The following MSRA variants were observed in gnomAD, a reference collection of about 807,000 sequenced individuals.
MSRA encodes mitochondrial peptide methionine sulfoxide reductase.
Under a neutral mutation model 31.3 loss-of-function variants are expected in MSRA, and 54 were observed. That is an observed-to-expected ratio of 1.73 (90% confidence interval 1.39 to 2.17). The LOEUF is 2.17. Among genes scored for constraint, MSRA ranks in the 30% most tolerant of loss-of-function variants. The probability of loss-of-function intolerance (pLI) is 0.00; values close to 1 mark genes in which losing one functional copy is unlikely to be tolerated. For missense variants in MSRA, 507 were observed against 300.9 expected (o/e 1.69, Z -5.07); for synonymous variants, 169 against 116.5 (o/e 1.45, Z -2.90).
intron 4 of MSRA, among the ~76,000 whole-genome samples, chr8:10,319,146 T>C (rs1046893151): frequency 5.3e-5 from 8 of 152,192 alleles, no homozygotes. Context: ...TGGTCTCTGT[T>C]TCCCCTGATT....
intron 1 of MSRA, among the ~76,000 whole-genome samples, chr8:10,203,408 A>G (rs1808671006): frequency 2.0e-5 from 3 of 152,360 alleles, no homozygotes; most frequent in Non-Finnish European, 4.4e-5. Context: ...AAAGATATGT[A>G]ACAGTCATGT....
At chr8:10,383,942 C>G (rs1295016638) in intron 5 of MSRA, among the ~76,000 whole-genome samples, 1 of 152,198 alleles carries the variant, frequency 6.6e-6, no homozygotes, top group Non-Finnish European at 1.5e-5. Flanking sequence ...CTCATCCCCA[C>G]TGCTTTCCCA....
At chr8:10,241,612 G>A (rs1245957132) in intron 2 of MSRA, among the ~76,000 whole-genome samples, 1 of 152,142 alleles carries the variant, frequency 6.6e-6, no homozygotes, top group Non-Finnish European at 1.5e-5. Flanking sequence ...TGAAAATGAA[G>A]TGATAGAATT....
chr8:10,245,714 C>T (rs938754399), intron 3 of MSRA, among the ~76,000 whole-genome samples: 2 of 152,204 alleles, frequency 1.3e-5, no homozygotes, highest in African/African-American at 2.4e-5. Context: ...GCACACTGGC[C>T]TGAGCTAATT....
chr8:10,328,223 C>A (rs907947398), intron 5 of MSRA, among the ~76,000 whole-genome samples: 3 of 150,190 alleles, frequency 2.0e-5, no homozygotes, highest in African/African-American at 7.4e-5. Flanking sequence ...AAACAAGTCC[C>A]ATGGCTTCCT....
chr8:10,177,770 TA>T (rs1415212185), intron 1 of MSRA, among the ~76,000 whole-genome samples: 1 of 152,218 alleles, frequency 6.6e-6, no homozygotes, highest in East Asian at 1.9e-4. Context: ...GAAATTTCTT[TA>T]AAAACCAGTC....
At chr8:10,148,702 C>T (rs758819429) in intron 1 of MSRA, among the ~76,000 whole-genome samples, 11 of 147,330 alleles carry the variant, frequency 7.5e-5, no homozygotes, top group African/African-American at 2.2e-4. Flanking sequence ...TTTGGGAGGC[C>T]GAGGCAGGAG....
chr8:10,265,856 A>T (rs1798721048), intron 3 of MSRA, among the ~76,000 whole-genome samples: 1 of 152,174 alleles, frequency 6.6e-6, no homozygotes, highest in African/African-American at 2.4e-5. Flanking sequence ...TTTTTCTGGA[A>T]TCACACAGAT....
chr8:10,288,377 A>G (rs1329699245), intron 3 of MSRA, among the ~76,000 whole-genome samples: 1 of 152,072 alleles, frequency 6.6e-6, no homozygotes, highest in African/African-American at 2.4e-5. Context: ...AAGTGACACC[A>G]CCCTTATTGA....
Position 10,165,706 on chromosome 8 carries a change from C to T in MSRA, c.143-42127C>T, listed in dbSNP as rs1222615532. ...AGTCTTGTAAGTGGGAGAGTATACA[C>T]GTGGACATTGTAGCTGGAATCTGAG... On this transcript the variant is annotated intron_variant, in intron 1 of 5. Transcript: ENST00000317173. Among the ~76,000 whole-genome samples the T allele has an allele frequency of 2.6e-5, 4 of 152,282 alleles. No individual in the cohort carries two copies. In the South Asian group the frequency reaches 6.2e-4, roughly 24 times the overall value.
Position 10,329,042 on chromosome 8 carries a change from G to A in MSRA, c.543+9053G>A, listed in dbSNP as rs1802539985. ...TGCAAACTCTCTTGACACCGAAGTT[G>A]CTATTATGATCGTACAACATTATTT... On this transcript the variant is annotated intron_variant, in intron 5 of 5. Coordinates refer to ENST00000317173, the MANE Select transcript of MSRA (RefSeq NM_012331.5). Among the ~76,000 whole-genome samples the A allele has an allele frequency of 1.3e-5, 2 of 152,174 alleles. 1 individual carries two copies. The highest frequency in any genetic ancestry group is 1.3e-4 in the Admixed American group (2 of 15,272).
chr8:10,236,639 A>C (rs1464926746), intron 2 of MSRA, among the ~76,000 whole-genome samples: 1 of 152,074 alleles, frequency 6.6e-6, no homozygotes, highest in Non-Finnish European at 1.5e-5. Flanking sequence ...CTGCCTCCTG[A>C]GTTCAAGCGA....
intron 3 of MSRA, among the ~76,000 whole-genome samples, chr8:10,298,325 A>T (rs1469881700): frequency 6.6e-6 from 1 of 152,260 alleles, no homozygotes; most frequent in Non-Finnish European, 1.5e-5. Context: ...ATGCAACAAC[A>T]TGGGTGAACC....
At chr8:10,176,766 G>T (rs1458441852) in intron 1 of MSRA, among the ~76,000 whole-genome samples, 1 of 152,176 alleles carries the variant, frequency 6.6e-6, no homozygotes, top group Non-Finnish European at 1.5e-5. Context: ...TGGAATGGGG[G>T]CTCAGAGCAG....
At chr8:10,358,456 C>T (rs1014982618) in intron 5 of MSRA, among the ~76,000 whole-genome samples, 2 of 152,048 alleles carry the variant, frequency 1.3e-5, no homozygotes, top group Non-Finnish European at 1.5e-5. Context: ...GGGTCCCCAA[C>T]CCCCGGTTCT....
Position 10,250,435 on chromosome 8 carries a change from A to G in MSRA, c.331+5212A>G, listed in dbSNP as rs923353546. The G allele has an allele frequency of 1.9e-5, 13 of 702,494 alleles. No individual in the cohort carries two copies. The Admixed American group carries it at 2.6e-4, about 14-fold the overall frequency. 43.5% of individuals were successfully genotyped at this position (702,494 alleles called of 1,614,324 possible). A position where few individuals can be genotyped will look rare whatever the true frequency, so the allele number is the denominator to read the frequency against. ...ATTTTGCTTACAGATGTTCAGAACA[A>G]TTCCATGTTTATTAGTCTATTCAAA... On this transcript the variant is annotated intron_variant, in intron 3 of 5. Transcript: ENST00000317173.
intron 2 of MSRA, among the ~76,000 whole-genome samples, chr8:10,230,973 T>G (rs1412104788): frequency 6.6e-6 from 1 of 152,142 alleles, no homozygotes; most frequent in African/African-American, 2.4e-5. Flanking sequence ...TTAGTAGAGA[T>G]AGGGTTTCAC....
At chr8:10,408,516 G>T (rs1044841434) in intron 5 of MSRA, among the ~76,000 whole-genome samples, 30 of 151,974 alleles carry the variant, frequency 2.0e-4, no homozygotes, top group African/African-American at 6.0e-4. Flanking sequence ...ATCCAGCCTG[G>T]GCAACAGAGC....
At chr8:10,283,190 T>G (rs1021571787) in intron 3 of MSRA, among the ~76,000 whole-genome samples, 3 of 144,160 alleles carry the variant, frequency 2.1e-5, no homozygotes, top group Admixed American at 6.9e-5. Flanking sequence ...TGGGGAAAGG[T>G]TTGTTGCAGA....
Sources: allele counts gnomAD v4.1 joint callset (sites outside exome capture counted in the v4.1 genomes callset), GRCh38; gene constraint gnomAD v4.1.1; transcripts MANE v1.5; gene names NCBI Gene and HGNC (gene_info 2026-07-23, HGNC 2026-07-21).